Variants in PLK4 observed in about 807,000 individuals in gnomAD.
PLK4 encodes polo like kinase 4, also known as serine/threonine-protein kinase PLK4.
A neutral mutation model predicts 103.0 loss-of-function variants in PLK4; 51 were observed. The observed-to-expected ratio is 0.50, with a 90% CI of 0.40 to 0.63. The LOEUF (loss-of-function observed/expected upper bound fraction) is 0.63. Ranked by LOEUF, PLK4 falls within the 20% of genes least tolerant of loss-of-function variation. The pLI is 0.00. For synonymous variants in PLK4, 389 were observed against 376.8 expected (o/e 1.03, Z -0.38); for missense variants, 1,054 against 1,151.0 (o/e 0.92, Z 1.22).
intron 2 of PLK4, 36 bp downstream of exon 2, chr4:127,881,962 T>G (rs369771623): frequency 2.6e-5 from 29 of 1,108,310 alleles, no homozygotes; most frequent in Non-Finnish European, 3.9e-5. Context: ...TCCTGTACTT[T>G]GCAAGTAACT....
chr4:127,886,796 C>A, intron 5 of PLK4, 68 bp downstream of exon 5: 3 of 905,132 alleles, frequency 3.3e-6, no homozygotes, highest in Non-Finnish European at 3.3e-6. Flanking sequence ...TATGAAGCTG[C>A]ATGTAAGCGG....
chr4:127,890,354 AC>A, intron 7 of PLK4, 118 bp downstream of exon 7: 2 of 648,400 alleles, frequency 3.1e-6, no homozygotes, highest in Non-Finnish European at 4.8e-6. Context: ...TACATGATCA[AC>A]TTTATTAAAG....
intron 10 of PLK4, 52 bp from the exon 11 acceptor site, chr4:127,893,233 G>C: frequency 8.9e-7 from 1 of 1,126,806 alleles, no homozygotes; most frequent in Admixed American, 2.4e-5. Flanking sequence ...TATAAATCTA[G>C]GAATATTTTT....
At position 127,886,187 on chromosome 4, in the gene PLK4, A is replaced by T; in HGVS notation, c.817A>T (p.Ser273Cys). The T allele has an allele frequency of 6.2e-7, 1 of 1,614,096 alleles. No individual in the cohort carries two copies. Among genetic ancestry groups the T allele is most frequent in the Non-Finnish European group, 8.5e-7 (1 of 1,179,988 alleles). ...PFMSRNSSTK[S>C]KDLGTVEDSI... ...TATGTCCCGAAATTCTTCAACAAAA[A>T]GTAAAGATTTAGGAACTGTGGAAGA... is the stretch of plus-strand genomic sequence containing the variant. The change falls in exon 5 of 16, where the codon AGT becomes TGT. Residue 273 changes from serine (S) to cysteine (C), a missense_variant. Coordinates refer to ENST00000270861, the MANE Select transcript of PLK4 (RefSeq NM_014264.5).
chr4:127,883,228 A>G (rs1734994181), intron 2 of PLK4, 34 bp from the exon 3 acceptor site: 2 of 1,075,746 alleles, frequency 1.9e-6, no homozygotes, highest in African/African-American at 1.6e-5. Context: ...TTTATATTTG[A>G]AAGTCTGTCA....
At chr4:127,894,239 T>G (rs1302716803) in intron 13 of PLK4, among the ~76,000 whole-genome samples, 1 of 152,140 alleles carries the variant, frequency 6.6e-6, no homozygotes, top group African/African-American at 2.4e-5. Context: ...TATGTAGTTT[T>G]TTTTTTTGTT....
At position 127,891,164 on chromosome 4, in the gene PLK4, GA is replaced by G. The variant is rs1735342809; in HGVS notation, c.1905del (p.Val636PhefsTer61). The G allele has an allele frequency of 6.3e-7, 1 of 1,584,324 alleles. No individual in the cohort carries two copies. Among genetic ancestry groups the G allele is most frequent in the Non-Finnish European group, 8.6e-7 (1 of 1,156,790 alleles). On this transcript the variant is annotated frameshift_variant, in exon 8 of 16. Coordinates refer to ENST00000270861, the MANE Select transcript of PLK4 (RefSeq NM_014264.5). LOFTEE classifies it high-confidence loss of function. Reference protein sequence around the residue: ...KEYASQEYVKEVLQISSDGNT... With the variant: ...KEYASQEYVKXVLQISSDGNT... ...GTATGCATCTCAAGAATATGTGAAA[GA>G]AGTTCTTCAGATATCTAGTGATGGA...
In PLK4 at chr4:127,886,715, A is replaced by G. The variant is rs34906574; in HGVS notation, c.1345A>G (p.Asn449Asp). The G allele has an allele frequency of 6.9e-6, 11 of 1,602,292 alleles. No individual in the cohort carries two copies. In the East Asian group the frequency reaches 1.8e-4, roughly 26 times the overall value. The change falls in exon 5 of 16, where the codon AAC becomes GAC. Residue 449 changes from asparagine to aspartate, a missense_variant. Asn to Asp is a conservative substitution (Grantham distance 23). Around this residue, in one of 4 missense-constraint regions of PLK4, gnomAD observed 680 missense variants for 660.3 expected, o/e 1.03. Coordinates refer to ENST00000270861, the MANE Select transcript of PLK4 (RefSeq NM_014264.5). ...SSSGSFERPD[N>D]NQALSNHLCP... ...TTCTGGATCTTTTGAAAGACCTGATAACAATCAAGCACTGTAAGAATAATT... is the reference window on the plus strand; with the variant it reads ...TTCTGGATCTTTTGAAAGACCTGATGACAATCAAGCACTGTAAGAATAATT...
At position 127,886,218 on chromosome 4, in the gene PLK4, T is replaced by C. The variant is rs1009585845; in HGVS notation, c.848T>C (p.Ile283Thr). The change falls in exon 5 of 16, where the codon ATT (isoleucine) becomes ACT (threonine). Residue 283 changes from isoleucine (I) to threonine (T), a missense_variant. Coordinates refer to ENST00000270861, the MANE Select transcript of PLK4 (RefSeq NM_014264.5). ...GATTTAGGAACTGTGGAAGACTCAA[T>C]TGATAGTGGGCATGCCACAATTTCT... Reference protein sequence around the residue: ...SKDLGTVEDSIDSGHATISTA... With the variant: ...SKDLGTVEDSTDSGHATISTA... 2.5e-5 allele frequency: 41 copies of C among 1,614,038 alleles called. No homozygotes were observed. The highest frequency in any genetic ancestry group is 3.1e-5 in the Non-Finnish European group (37 of 1,180,026).
chr4:127,889,655 G>A (rs1449164126), intron 6 of PLK4, among the ~76,000 whole-genome samples: 5 of 152,062 alleles, frequency 3.3e-5, no homozygotes, highest in Non-Finnish European at 5.9e-5. Context: ...GAATACTAAA[G>A]GTATTTCTTC....
At position 127,881,172 on chromosome 4, in the gene PLK4, G is replaced by A. The variant is rs373475841; in HGVS notation, c.30+8G>A. On this transcript the variant is annotated splice_region_variant and intron_variant, in intron 1 of 15. Coordinates refer to ENST00000270861, the MANE Select transcript of PLK4 (RefSeq NM_014264.5). ...ATCGGGGAGAAGATCGAGGTGAAAA[G>A]ACTCGGCAGTCTGCAGCGGGGCGGG... is the stretch of plus-strand genomic sequence containing the variant. 1.2e-6 allele frequency: 2 copies of A among 1,613,878 alleles called. No homozygotes were observed. The highest frequency in any genetic ancestry group is 8.5e-7 in the Non-Finnish European group (1 of 1,180,034).
rs1457842152 is a variant in PLK4, at chr4:127,886,452, T to C, written c.1082T>C (p.Ile361Thr). ...ETSNSGRGRV[I>T]QDAEERPHSR... ...AGTAATAGTGGAAGGGGAAGAGTAA[T>C]TCAAGATGCAGAAGAAAGGCCACAT... Residue 361 changes from isoleucine (I) to threonine (T), a missense_variant, in exon 5 of 16, where the codon ATT becomes ACT. Ile to Thr is a moderately conservative substitution (Grantham distance 89). This residue lies in a region of PLK4 where 680 missense variants were observed against 660.3 expected (regional missense o/e 1.03). Coordinates refer to ENST00000270861, the MANE Select transcript of PLK4 (RefSeq NM_014264.5). The C allele has an allele frequency of 1.9e-6, 3 of 1,614,010 alleles. No individual in the cohort carries two copies. The highest frequency in any genetic ancestry group is 2.2e-5 in the East Asian group (1 of 44,884).
At position 127,881,184 on chromosome 4, in the gene PLK4, T is replaced by A; in HGVS notation, c.30+20T>A. The A allele has an allele frequency of 6.2e-7, 1 of 1,613,824 alleles. No homozygotes were observed. Among genetic ancestry groups the A allele is most frequent in the Non-Finnish European group, 8.5e-7 (1 of 1,179,994 alleles). On this transcript the variant is annotated intron_variant, in intron 1 of 15. Transcript: ENST00000270861. ...ATCGAGGTGAAAAGACTCGGCAGTC[T>A]GCAGCGGGGCGGGTGGGAGTAATTG...
chr4:127,887,371 G>T, intron 5 of PLK4, 25 bp from the exon 6 acceptor site: 4 of 1,350,742 alleles, frequency 3.0e-6, no homozygotes, highest in Non-Finnish European at 3.1e-6. Context: ...ATTAGTTTAT[G>T]GGATTTTTTT....
Position 127,886,564 on chromosome 4 carries a change from A to T in PLK4, c.1194A>T (p.Arg398=), listed in dbSNP as rs1199118679. 6.2e-7 allele frequency: 1 copy of T among 1,614,170 alleles called. No homozygotes were observed. The highest frequency in any genetic ancestry group is 2.2e-5 in the East Asian group (1 of 44,872). ...AAGCAAAAACATATACAATGGAACG[A>T]TGTCACTCAGCAGAAATGCTTTCAG... The part of the protein sequence containing the change: ...QSQAKTYTME[R]CHSAEMLSVS... The change falls in exon 5 of 16, where the codon CGA becomes CGT. Residue 398 remains arginine (R), a synonymous_variant. Coordinates refer to ENST00000270861, the MANE Select transcript of PLK4 (RefSeq NM_014264.5).
chr4:127,889,819 G>C (rs1345785342), intron 6 of PLK4, 47 bp from the exon 7 acceptor site: 1 of 1,357,838 alleles, frequency 7.4e-7, no homozygotes, highest in African/African-American at 1.5e-5. Flanking sequence ...GTGTCGACTT[G>C]TGTTTTTAGT....
chr4:127,886,759 T>A, intron 5 of PLK4, 31 bp downstream of exon 5: 1 of 1,451,442 alleles, frequency 6.9e-7, no homozygotes. Flanking sequence ...GGCATTTTGT[T>A]TTTTGGTAAC....
rs1200493618 is a variant in PLK4 at position 127,896,852 on chromosome 4, G to A, written c.2755G>A (p.Val919Met). The stretch of plus-strand genomic sequence containing the variant: ...GTTTAATGATGGGTCCCAGTTGGTT[G>A]TGCAGGCAGGAGTGTCTTCTATCAG... Reference protein sequence around the residue: ...VQFNDGSQLVVQAGVSSISYT... With the variant: ...VQFNDGSQLVMQAGVSSISYT... The change falls in exon 15 of 16, where the codon GTG becomes ATG. Residue 919 changes from valine to methionine, a missense_variant. By Grantham distance (21) the Val-to-Met change is conservative. Transcript: ENST00000270861. 1.6e-5 allele frequency: 25 copies of A among 1,611,628 alleles called. No individual in the cohort carries two copies. Among genetic ancestry groups the A allele is most frequent in the Non-Finnish European group, 2.1e-5 (25 of 1,178,636 alleles).
chr4:127,894,483 C>T (rs61300521), intron 13 of PLK4, among the ~76,000 whole-genome samples: 4,549 of 152,220 alleles, frequency 0.03, 296 homozygotes, highest in East Asian at 0.26. Context: ...CTGCCTCGGC[C>T]TCCCAAAGTG....
Sources: gnomAD v4.1 joint callset for allele counts (sites outside exome capture counted in the v4.1 genomes callset) on GRCh38, gnomAD v4.1.1 for gene constraint, gnomAD v4.1.1 regional missense constraint, MANE v1.5 for transcripts, NCBI Gene and HGNC (gene_info 2026-07-23, HGNC 2026-07-21) for gene names.